RORA: variants seen among roughly 807,000 people sequenced by gnomAD.
The protein encoded by RORA is RAR related orphan receptor A, also known as nuclear receptor ROR-alpha.
Under a neutral mutation model 69.5 loss-of-function variants are expected in RORA, and 7 were observed. That is an observed-to-expected ratio of 0.10 (90% confidence interval 0.06 to 0.19). RORA has a LOEUF of 0.19. Among genes scored for constraint, RORA ranks in the 10% least tolerant of loss-of-function variants. The pLI, the probability that RORA is intolerant of heterozygous loss-of-function variation, is 1.00. For synonymous variants in RORA, 261 were observed against 240.8 expected (o/e 1.08, Z -0.78); for missense variants, 457 against 663.0 (o/e 0.69, Z 3.41).
At chr15:60,560,427 G>A (rs538032634) in intron 2 of RORA, among the ~76,000 whole-genome samples, 588 of 152,152 alleles carry the variant, frequency 3.9e-3, no homozygotes, top group Non-Finnish European at 6.3e-3. Flanking sequence ...CAGCTGCCAT[G>A]ACTTGTCTGT....
chr15:60,962,007 A>C (rs1036894457), intron 1 of RORA, among the ~76,000 whole-genome samples: 4 of 152,166 alleles, frequency 2.6e-5, no homozygotes, highest in Non-Finnish European at 5.9e-5. Flanking sequence ...ATTCTGTTGG[A>C]ACATTGAAAG....
At chr15:60,502,668 A>C (rs553670343) in intron 8 of RORA, 92 bp downstream of exon 8, 2 of 830,542 alleles carry the variant, frequency 2.4e-6, no homozygotes, top group South Asian at 3.0e-5. Context: ...TTCTAAATAA[A>C]GTTTTCATTT....
intron 1 of RORA, among the ~76,000 whole-genome samples, chr15:60,790,365 A>C (rs187484835): frequency 9.2e-5 from 14 of 152,294 alleles, no homozygotes; most frequent in Admixed American, 3.9e-4. Flanking sequence ...TCAACTACAA[A>C]TGTTGATGTT....
chr15:60,653,285 G>A (rs374342051), intron 2 of RORA, among the ~76,000 whole-genome samples: 4 of 146,942 alleles, frequency 2.7e-5, no homozygotes, highest in East Asian at 4.1e-4. Context: ...GGCATAATGT[G>A]TACAGGTGCA....
Position 61,119,089 on chromosome 15 carries a change from G to T in RORA, c.166+109964C>A, listed in dbSNP as rs959852882. On this transcript the variant is annotated intron_variant, in intron 1 of 10. Coordinates refer to ENST00000335670, the MANE Select transcript of RORA (RefSeq NM_134261.3). ...AAGATGCAGTTAACAGAAGGGGGGG[G>T]GGGGCGCCATGGAGCAGTCGTGTGA... Among the ~76,000 whole-genome samples the T allele has an allele frequency of 2.0e-5, 3 of 149,634 alleles. No individual in the cohort carries two copies. In the East Asian group the frequency reaches 6.1e-4, roughly 30 times the overall value.
intron 1 of RORA, among the ~76,000 whole-genome samples, chr15:60,921,472 T>C (rs945223304): frequency 1.3e-5 from 2 of 152,182 alleles, no homozygotes; most frequent in African/African-American, 2.4e-5. Flanking sequence ...TCAAAATATA[T>C]GCAAAAGTCA....
At chr15:60,504,434 C>T (rs924890492) in intron 6 of RORA, among the ~76,000 whole-genome samples, 15 of 152,078 alleles carry the variant, frequency 9.9e-5, no homozygotes, top group African/African-American at 3.6e-4. Context: ...GTACTCCCAG[C>T]TACTTGGGAA....
At chr15:60,876,207 G>C (rs903978556) in intron 1 of RORA, among the ~76,000 whole-genome samples, 1 of 150,712 alleles carries the variant, frequency 6.6e-6, no homozygotes, top group African/African-American at 2.4e-5. Flanking sequence ...GACAGCTAGA[G>C]TACAGAGAAT....
At chr15:61,087,604 T>C (rs1156397939) in intron 1 of RORA, among the ~76,000 whole-genome samples, 1 of 152,086 alleles carries the variant, frequency 6.6e-6, no homozygotes, top group Non-Finnish European at 1.5e-5. Flanking sequence ...AAACAACATA[T>C]GAGGAAGGGG....
intron 1 of RORA, among the ~76,000 whole-genome samples, chr15:61,117,678 T>C (rs1309011125): frequency 6.6e-6 from 1 of 152,250 alleles, no homozygotes; most frequent in Admixed American, 6.5e-5. Flanking sequence ...TTTGAATCTT[T>C]CAAAGTTATT....
intron 1 of RORA, among the ~76,000 whole-genome samples, chr15:60,823,023 TC>T (rs1438755984): frequency 1.3e-5 from 2 of 149,058 alleles, no homozygotes; most frequent in Non-Finnish European, 3.0e-5. Flanking sequence ...CCCTCCCCTT[TC>T]CTTCCTTCCT....
chr15:60,820,185 G>C (rs943597228), intron 1 of RORA, among the ~76,000 whole-genome samples: 1 of 152,248 alleles, frequency 6.6e-6, no homozygotes, highest in Admixed American at 6.5e-5. Context: ...CTCCCATCAC[G>C]TGAGGGTGGT....
chr15:60,801,796 A>G (rs1260377295), intron 1 of RORA, among the ~76,000 whole-genome samples: 1 of 152,246 alleles, frequency 6.6e-6, no homozygotes, highest in Non-Finnish European at 1.5e-5. Context: ...AAGAGGATGC[A>G]AGCAGGCTTG....
chr15:61,142,787 G>A (rs981265489), intron 1 of RORA, among the ~76,000 whole-genome samples: 3 of 152,038 alleles, frequency 2.0e-5, no homozygotes, highest in African/African-American at 7.2e-5. Context: ...TGCTAAAAAA[G>A]CATTCGACAA....
Position 60,535,953 on chromosome 15 carries a change from C to T in RORA, c.197-4102G>A, listed in dbSNP as rs987741900. The stretch of plus-strand genomic sequence containing the variant: ...CTAACCAGGGCTCAAAAGACATCCC[C>T]TAAGTAGTTTGTTTAAACTTAACAC... On this transcript the variant is annotated intron_variant, in intron 2 of 10. Coordinates refer to ENST00000335670, the MANE Select transcript of RORA (RefSeq NM_134261.3). Among the ~76,000 whole-genome samples the T allele has an allele frequency of 2.0e-5, 3 of 152,126 alleles. No homozygotes were observed. In the South Asian group the frequency reaches 6.2e-4, roughly 32 times the overall value.
chr15:61,129,044 C>T (rs968816186), intron 1 of RORA, among the ~76,000 whole-genome samples: 5 of 152,172 alleles, frequency 3.3e-5, no homozygotes, highest in Middle Eastern at 3.2e-3. Context: ...TAAGAATTCA[C>T]ATGTCTCGTT....
intron 6 of RORA, among the ~76,000 whole-genome samples, chr15:60,505,149 T>C (rs1281469143): frequency 2.6e-5 from 4 of 152,224 alleles, no homozygotes; most frequent in African/African-American, 9.6e-5. Context: ...CCAGAAACAT[T>C]AGGCTGAGAT....
At chr15:60,702,236 C>CT (rs1383564619) in intron 1 of RORA, among the ~76,000 whole-genome samples, 2 of 152,008 alleles carry the variant, frequency 1.3e-5, no homozygotes, top group African/African-American at 4.8e-5. Context: ...ATGATCTTTT[C>CT]TTTTTTTGAG....
chr15:61,106,205 T>A (rs1378375835), intron 1 of RORA, among the ~76,000 whole-genome samples: 2 of 152,368 alleles, frequency 1.3e-5, no homozygotes, highest in East Asian at 3.9e-4. Context: ...CAGCATCTGC[T>A]ACATGTTCAA....
Sources: gnomAD v4.1 joint callset for allele counts (sites outside exome capture counted in the v4.1 genomes callset) on GRCh38, gnomAD v4.1.1 for gene constraint, MANE v1.5 for transcripts, NCBI Gene and HGNC (gene_info 2026-07-23, HGNC 2026-07-21) for gene names.